The following MTOR variants were observed in gnomAD, a reference collection of about 807,000 sequenced individuals.
MTOR encodes mechanistic target of rapamycin kinase.
In MTOR, 70 loss-of-function variants were observed where a neutral mutation model predicts 319.8. The ratio of observed to expected loss-of-function variants is 0.22; its 90% CI spans 0.18 to 0.27. The LOEUF is 0.27. Among genes scored for constraint, MTOR ranks in the 10% least tolerant of loss-of-function variants. The pLI, the probability that MTOR is intolerant of heterozygous loss-of-function variation, is 1.00. For synonymous variants in MTOR, 1,183 were observed against 1,211.4 expected (o/e 0.98, Z 0.49); for missense variants, 1,890 against 3,274.4 (o/e 0.58, Z 10.32).
intron 49 of MTOR, 26 bp from the exon 50 acceptor site, chr1:11,117,112 T>C (rs1283707055): frequency 6.4e-7 from 1 of 1,560,126 alleles, no homozygotes; most frequent in South Asian, 1.2e-5. Flanking sequence ...GCATGTGAAC[T>C]ACGGTTCTGG....
At position 11,144,968 on chromosome 1, in the gene MTOR, C is replaced by A. The variant is rs2100509377; in HGVS notation, c.4764G>T (p.Gly1588=). ...AATGTGCAGAATAGTTGACACTTAC[C>A]CCATATGCCCGACTGTAACTCTCTC... ...MAGESYSRAY[G]AMVSCHMLSE... The change falls in exon 33 of 58, where the codon GGG becomes GGT. Residue 1588 remains glycine, a splice_region_variant and synonymous_variant. Transcript: ENST00000361445. 6.2e-7 allele frequency: 1 copy of A among 1,613,880 alleles called. No homozygotes were observed. The highest frequency in any genetic ancestry group is 8.5e-7 in the Non-Finnish European group (1 of 1,179,844).
chr1:11,175,462 T>C (rs1571072453), intron 28 of MTOR, among the ~76,000 whole-genome samples: 1 of 152,348 alleles, frequency 6.6e-6, no homozygotes, highest in South Asian at 2.1e-4. Context: ...TTCTTGGCAA[T>C]CAAGGAAAAC....
chr1:11,129,557 A>G lies in MTOR; in HGVS notation c.5714+181T>C, dbSNP rs767388192. ...CTCCTCCTCACTCTCTGTAGGTTTC[A>G]CCCACACAGGTGGGGCCCAGTCAGC... On this transcript the variant is annotated intron_variant, in intron 40 of 57. Coordinates refer to ENST00000361445, the MANE Select transcript of MTOR (RefSeq NM_004958.4). This position sits in a 1 kb window ranked among gnomAD's most constrained non-coding sequence, Gnocchi z 4.7. 6.6e-6 allele frequency among the ~76,000 whole-genome samples: 1 copy of G among 152,168 alleles called. No individual in the cohort carries two copies. The highest frequency in any genetic ancestry group is 1.5e-5 in the Non-Finnish European group (1 of 68,012).
At chr1:11,229,738 T>C (rs1646957878) in intron 18 of MTOR, among the ~76,000 whole-genome samples, 1 of 152,180 alleles carries the variant, frequency 6.6e-6, no homozygotes, top group South Asian at 2.1e-4. Flanking sequence ...TGAGGGAATA[T>C]GGGTTAAGTC....
At chr1:11,228,563 G>T in intron 19 of MTOR, 105 bp downstream of exon 19, 1 of 1,469,160 alleles carries the variant, frequency 6.8e-7, no homozygotes, top group Non-Finnish European at 9.3e-7. Context: ...AAGGCATTGG[G>T]CTCAGGGGCA....
rs762020471 is a variant in MTOR at position 11,127,837 on chromosome 1, C to T, written c.6034-31G>A. On this transcript the variant is annotated intron_variant, in intron 43 of 57. Transcript: ENST00000361445. This position sits in a 1 kb window ranked among gnomAD's most constrained non-coding sequence, Gnocchi z 5.5. ...GCCAAGAGAAGAAGGAGAGAAGCAT[C>T]AAGAATCAGCTAACCTCAGAAAGGT... The T allele has an allele frequency of 1.3e-6, 2 of 1,598,870 alleles. No homozygotes were observed. Among genetic ancestry groups the T allele is most frequent in the South Asian group, 2.2e-5 (2 of 88,956 alleles).
chr1:11,251,072 T>A (rs1443061741), intron 6 of MTOR, among the ~76,000 whole-genome samples: 1 of 152,180 alleles, frequency 6.6e-6, no homozygotes, highest in African/African-American at 2.4e-5. Context: ...GCAAGAGTGA[T>A]CCTTTTGAAA....
intron 30 of MTOR, among the ~76,000 whole-genome samples, chr1:11,154,129 A>G (rs1384974381): frequency 7.0e-6 from 1 of 142,370 alleles, no homozygotes; most frequent in Non-Finnish European, 1.5e-5. Context: ...AGGCTACCAT[A>G]TTGGACAATA....
chr1:11,222,412 T>C (rs1203921724), intron 19 of MTOR, among the ~76,000 whole-genome samples: 1 of 152,158 alleles, frequency 6.6e-6, no homozygotes, highest in Non-Finnish European at 1.5e-5. Flanking sequence ...TTAGCCAGGA[T>C]GGTCTTGATC....
In MTOR at chr1:11,109,524, T is replaced by C. The variant is rs558510124; in HGVS notation, c.7447+125A>G. ...TCCTCAGAATATAATGAGAAATTCATGGAACCTTTTCTGCTCAAAGGCAGT... is the reference window on the plus strand; with the variant it reads ...TCCTCAGAATATAATGAGAAATTCACGGAACCTTTTCTGCTCAAAGGCAGT... On this transcript the variant is annotated intron_variant, in intron 55 of 57. Transcript: ENST00000361445. This position sits in a 1 kb window ranked among gnomAD's most constrained non-coding sequence, Gnocchi z 4.0. The C allele has an allele frequency of 4.9e-6, 6 of 1,220,320 alleles. No homozygotes were observed. In the South Asian group the frequency reaches 7.7e-5, roughly 16 times the overall value. The allele number at this position is 1,220,320 out of a possible 1,614,324, so 75.6% of individuals were successfully genotyped here.
At position 11,114,830 on chromosome 1, in the gene MTOR, A is replaced by G. The variant is rs1642079546; in HGVS notation, c.7147T>C (p.Leu2383=). Residue 2383 remains leucine (L), a synonymous_variant, in exon 52 of 58, where the codon TTG becomes CTG. Transcript: ENST00000361445. Reference sequence around the variant, plus strand: ...CCACTCACCTCCATAGCATTGGTCAACATTCTTGTTAGTCTAAATGGAATC... The same window carrying G: ...CCACTCACCTCCATAGCATTGGTCAGCATTCTTGTTAGTCTAAATGGAATC... The part of the protein sequence containing the change: ...EKIPFRLTRM[L]TNAMEVTGLD... The G allele has an allele frequency of 1.2e-6, 2 of 1,614,188 alleles. No individual in the cohort carries two copies. The highest frequency in any genetic ancestry group is 4.5e-5 in the East Asian group (2 of 44,884).
intron 28 of MTOR, among the ~76,000 whole-genome samples, chr1:11,172,576 A>G (rs1043820640): frequency 6.9e-6 from 1 of 144,898 alleles, no homozygotes; most frequent in African/African-American, 2.6e-5. Flanking sequence ...AAAAAAAAAA[A>G]AATACAACTT....
chr1:11,229,725 C>T (rs1256702980), intron 18 of MTOR, among the ~76,000 whole-genome samples: 1 of 152,128 alleles, frequency 6.6e-6, no homozygotes, highest in Non-Finnish European at 1.5e-5. Flanking sequence ...AATAGGCCTG[C>T]CCTGAGGGAA....
chr1:11,257,550 G>C (rs1260677477), intron 3 of MTOR, among the ~76,000 whole-genome samples: 1 of 130,898 alleles, frequency 7.6e-6, no homozygotes, highest in Non-Finnish European at 1.6e-5. Context: ...GCGACAGAGT[G>C]AGACTCTGTC....
chr1:11,136,868 T>C, intron 36 of MTOR, among the ~76,000 whole-genome samples: 1 of 148,506 alleles, frequency 6.7e-6, no homozygotes, highest in Non-Finnish European at 1.5e-5. Context: ...TGAAACAGAG[T>C]TTCGCTCTTG....
At chr1:11,240,628 C>T in intron 10 of MTOR, 81 bp from the exon 11 acceptor site, 1 of 1,523,676 alleles carries the variant, frequency 6.6e-7, no homozygotes, top group Non-Finnish European at 8.9e-7. Flanking sequence ...CTTTCTCTCC[C>T]AGCAAGGGGA....
chr1:11,199,782 C>T lies in MTOR; in HGVS notation c.3945-79G>A, dbSNP rs1645900981. 1.5e-5 allele frequency: 23 copies of T among 1,490,160 alleles called. No homozygotes were observed. The highest frequency in any genetic ancestry group is 3.7e-5 in the Admixed American group (2 of 54,638). 92.3% of individuals were successfully genotyped at this position (1,490,160 alleles called of 1,614,324 possible). On this transcript the variant is annotated intron_variant, in intron 26 of 57. Coordinates refer to ENST00000361445, the MANE Select transcript of MTOR (RefSeq NM_004958.4). This position sits in a 1 kb window ranked among gnomAD's most constrained non-coding sequence, Gnocchi z 4.5. ...CCTCAAAGTCACACCTATCAATTCGCTTTTGGCATCACTGATTTTGGTTAT... is the reference window on the plus strand; with the variant it reads ...CCTCAAAGTCACACCTATCAATTCGTTTTTGGCATCACTGATTTTGGTTAT...
chr1:11,173,965 G>A (rs1158183711), intron 28 of MTOR, among the ~76,000 whole-genome samples: 2 of 152,190 alleles, frequency 1.3e-5, no homozygotes, highest in African/African-American at 4.8e-5. Flanking sequence ...CTCACCATAT[G>A]TGCCAGGCAC....
intron 26 of MTOR, among the ~76,000 whole-genome samples, chr1:11,202,639 G>A (rs1646015256): frequency 6.6e-6 from 1 of 151,762 alleles, no homozygotes; most frequent in Admixed American, 6.6e-5. Context: ...AAAAAAAATG[G>A]TGATGACTCA....
Sources: gnomAD v4.1 joint callset for allele counts (sites outside exome capture counted in the v4.1 genomes callset) on GRCh38, gnomAD v4.1.1 for gene constraint, Gnocchi (gnomAD v3.1) non-coding constraint, MANE v1.5 for transcripts, NCBI Gene and HGNC (gene_info 2026-07-23, HGNC 2026-07-21) for gene names.